Variants in OSGIN2 observed in about 807,000 individuals in gnomAD.
The protein encoded by OSGIN2 is oxidative stress induced growth inhibitor family member 2, also known as oxidative stress-induced growth inhibitor 2.
A neutral mutation model predicts 53.8 loss-of-function variants in OSGIN2; 19 were observed. That is an observed-to-expected ratio of 0.35 (90% CI 0.25 to 0.52). OSGIN2 has a LOEUF of 0.52. Among genes scored for constraint, OSGIN2 ranks in the 20% least tolerant of loss-of-function variants. The pLI is 0.95. For synonymous variants in OSGIN2, 236 were observed against 236.0 expected, an observed-to-expected ratio of 1.00 and a Z score of 0.00; for missense variants, 520 against 662.7, an observed-to-expected ratio of 0.78 and a Z score of 2.36.
chr8:89,925,648 ACTATAGTAACTTCATTTTT>A lies in OSGIN2; in HGVS notation c.*117_*135del. ...TGAGTTAACTGAAGGAGAGCCTCAAACTATAGTAACTTCATTTTTAAAAGTTACTAGAATTTGGTATCCT... is the reference window on the plus strand; with the variant it reads ...TGAGTTAACTGAAGGAGAGCCTCAAAAAAAGTTACTAGAATTTGGTATCCT... On this transcript the variant is annotated 3_prime_UTR_variant, in exon 6 of 6. Coordinates refer to ENST00000451899, the MANE Select transcript of OSGIN2 (RefSeq NM_001126111.3). The A allele has an allele frequency of 1.5e-6, 1 of 687,482 alleles. No individual in the cohort carries two copies. Among genetic ancestry groups the A allele is most frequent in the Non-Finnish European group, 2.4e-6 (1 of 419,884 alleles). The allele number at this position is 687,482 out of a possible 1,614,324, so 42.6% of individuals were successfully genotyped here. A position where few individuals can be genotyped will look rare whatever the true frequency, so the allele number is the denominator to read the frequency against.
At chr8:89,912,328 A>C (rs1449277388) in intron 2 of OSGIN2, among the ~76,000 whole-genome samples, 1 of 152,252 alleles carries the variant, frequency 6.6e-6, no homozygotes, top group Non-Finnish European at 1.5e-5. Flanking sequence ...GTTGAGATGT[A>C]TAATCACCTG....
At chr8:89,909,029 A>AT in intron 1 of OSGIN2, among the ~76,000 whole-genome samples, 2 of 118,056 alleles carry the variant, frequency 1.7e-5, no homozygotes, top group Non-Finnish European at 3.2e-5. Context: ...AAAAAAAAAA[A>AT]AAAAAAAAAT....
chr8:89,920,134 C>G (rs1809165708), intron 4 of OSGIN2, among the ~76,000 whole-genome samples: 1 of 152,116 alleles, frequency 6.6e-6, no homozygotes, highest in African/African-American at 2.4e-5. Context: ...TTCTTAACAG[C>G]TCCTTTTATG....
In OSGIN2 at chr8:89,909,614, T is replaced by C. The variant is rs750724120; in HGVS notation, c.92T>C (p.Val31Ala). 2 of 1,606,954 alleles carry C rather than the reference T, an allele frequency of 1.2e-6. No individual in the cohort carries two copies. The highest frequency in any genetic ancestry group is 1.7e-6 in the Non-Finnish European group (2 of 1,175,070). ...ETEGEIFNSL[V>A]QYFGDNLGRK... ...GAAGGAGAGATTTTTAATTCCTTAGTGCAATACTTTGGTGACAACTTGGGG... is the reference window on the plus strand; with the variant it reads ...GAAGGAGAGATTTTTAATTCCTTAGCGCAATACTTTGGTGACAACTTGGGG... The change falls in exon 2 of 6, where the codon GTG becomes GCG. Residue 31 changes from valine to alanine, a missense_variant. By Grantham distance (64) the Val-to-Ala change is moderately conservative. Coordinates refer to ENST00000451899, the MANE Select transcript of OSGIN2 (RefSeq NM_001126111.3).
Position 89,924,581 on chromosome 8 carries a change from G to T in OSGIN2, c.699G>T (p.Gln233His), listed in dbSNP as rs775116625. Reference protein sequence around the residue: ...YKHYVKVMGLQKNFRENTYIT... With the variant: ...YKHYVKVMGLHKNFRENTYIT... ...ATTATGTAAAAGTCATGGGTCTTCA[G>T]AAGAATTTCAGAGAGAATACTTACA... Residue 233 changes from glutamine (Q) to histidine (H), a missense_variant, in exon 6 of 6, where the codon CAG becomes CAT. Around this residue, in one of 3 missense-constraint regions of OSGIN2, gnomAD observed 78 missense variants for 59.1 expected, o/e 1.32. Transcript: ENST00000451899. 7 of 1,613,870 alleles carry T rather than the reference G, an allele frequency of 4.3e-6. No individual in the cohort carries two copies. The East Asian group carries it at 1.6e-4, about 36-fold the overall frequency.
chr8:89,902,335 C>T (rs973279869), upstream of OSGIN2, among the ~76,000 whole-genome samples: 4 of 152,164 alleles, frequency 2.6e-5, no homozygotes, highest in African/African-American at 4.8e-5. Context: ...TGACCGAGGT[C>T]TAGGTCTCGA....
chr8:89,919,110 T>G (rs964794419), intron 4 of OSGIN2, among the ~76,000 whole-genome samples: 2 of 152,226 alleles, frequency 1.3e-5, no homozygotes, highest in African/African-American at 4.8e-5. Context: ...TACTCCAATC[T>G]AGCCCTTATT....
At chr8:89,908,626 A>G (rs1037482516) in intron 1 of OSGIN2, among the ~76,000 whole-genome samples, 1 of 152,132 alleles carries the variant, frequency 6.6e-6, no homozygotes, top group Admixed American at 6.5e-5. Flanking sequence ...GACTGTATGA[A>G]GATAAAATTA....
Position 89,925,211 on chromosome 8 carries a change from A to G in OSGIN2, c.1329A>G (p.Gly443=), listed in dbSNP as rs1362368117. ...DMKCVLQSVS[G]LKKIFKLSAA... is the part of the protein sequence containing the mutation. The stretch of plus-strand genomic sequence containing the variant: ...AATGTGTTCTCCAAAGCGTTTCTGG[A>G]TTGAAGAAAATATTTAAGCTGTCTG... The change falls in exon 6 of 6, where the codon GGA becomes GGG. Residue 443 remains glycine (G), a synonymous_variant. Coordinates refer to ENST00000451899, the MANE Select transcript of OSGIN2 (RefSeq NM_001126111.3). 2 of 1,614,050 alleles carry G rather than the reference A, an allele frequency of 1.2e-6. No individual in the cohort carries two copies. Among genetic ancestry groups the G allele is most frequent in the African/African-American group, 1.3e-5 (1 of 75,038 alleles).
intron 5 of OSGIN2, among the ~76,000 whole-genome samples, chr8:89,921,707 C>T (rs913979843): frequency 1.2e-4 from 19 of 152,126 alleles, no homozygotes; most frequent in African/African-American, 3.9e-4. Context: ...GAGGGCCTGG[C>T]GCAGTGGCTC....
In OSGIN2 at chr8:89,925,647, A is replaced by G; in HGVS notation, c.*115A>G. 1 of 687,298 alleles carries G rather than the reference A, an allele frequency of 1.5e-6. No individual in the cohort carries two copies. The highest frequency in any genetic ancestry group is 2.4e-6 in the Non-Finnish European group (1 of 419,566). The allele number at this position is 687,298 out of a possible 1,614,324, so 42.6% of individuals were successfully genotyped here. On this transcript the variant is annotated 3_prime_UTR_variant, in exon 6 of 6. Coordinates refer to ENST00000451899, the MANE Select transcript of OSGIN2 (RefSeq NM_001126111.3). ...TTGAGTTAACTGAAGGAGAGCCTCA[A>G]ACTATAGTAACTTCATTTTTAAAAG... is the stretch of plus-strand genomic sequence containing the variant.
At chr8:89,921,035 C>G in intron 4 of OSGIN2, 45 bp from the exon 5 acceptor site, 1 of 1,158,230 alleles carries the variant, frequency 8.6e-7, no homozygotes, top group South Asian at 1.4e-5. Context: ...AACCATGTTA[C>G]TTCTTGTTTT....
chr8:89,902,577 G>C lies in OSGIN2; in HGVS notation c.-217G>C, dbSNP rs1445072878. The C allele has an allele frequency of 6.5e-6, 1 of 153,864 alleles. No individual in the cohort carries two copies. Among genetic ancestry groups the C allele is most frequent in the African/African-American group, 2.4e-5 (1 of 41,414 alleles). 9.5% of individuals were successfully genotyped at this position (153,864 alleles called of 1,614,324 possible). ...CGCCCCGAGATCACCCGCCTCCGGC[G>C]CCTGGCTCCCTGCAGGCGAGGAGCG... On this transcript the variant is annotated 5_prime_UTR_variant, in exon 1 of 6. Coordinates refer to ENST00000451899, the MANE Select transcript of OSGIN2 (RefSeq NM_001126111.3).
Position 89,925,052 on chromosome 8 carries a change from C to G in OSGIN2, c.1170C>G (p.Pro390=). Residue 390 remains proline (P), a synonymous_variant, in exon 6 of 6, where the codon CCC becomes CCG. Transcript: ENST00000451899. ...CAAGCTTAATTTTCAAACAGCTTCC[C>G]AAAAAGCTGTATCCTGAATATCATA... ...TDPSLIFKQL[P]KKLYPEYHKV... is the part of the protein sequence containing the mutation. 4 of 1,613,344 alleles carry G rather than the reference C, an allele frequency of 2.5e-6. No homozygotes were observed. Among genetic ancestry groups the G allele is most frequent in the Non-Finnish European group, 3.4e-6 (4 of 1,179,306 alleles).
intron 4 of OSGIN2, among the ~76,000 whole-genome samples, chr8:89,917,578 C>T (rs1809105673): frequency 6.6e-6 from 1 of 152,112 alleles, no homozygotes; most frequent in Non-Finnish European, 1.5e-5. Context: ...AAATATTCTC[C>T]ACTCTCAGTT....
intron 1 of OSGIN2, among the ~76,000 whole-genome samples, chr8:89,909,037 A>AAAAAAAAATAT (rs1554550040): frequency 7.1e-5 from 6 of 84,896 alleles, no homozygotes; most frequent in African/African-American, 4.3e-4. Flanking sequence ...AAAAAAAAAA[A>AAAAAAAAATAT]ATATATATAT....
chr8:89,920,295 T>TATAATA (rs150859631), intron 4 of OSGIN2, among the ~76,000 whole-genome samples: 1 of 151,870 alleles, frequency 6.6e-6, no homozygotes, highest in Non-Finnish European at 1.5e-5. Flanking sequence ...GAAAGTCAGT[T>TATAATA]ATAATAATAA....
intron 4 of OSGIN2, among the ~76,000 whole-genome samples, chr8:89,917,326 A>G (rs1396739733): frequency 2.0e-5 from 3 of 152,208 alleles, no homozygotes; most frequent in Non-Finnish European, 4.4e-5. Context: ...CTTATCACCC[A>G]GTTAATTCAC....
intron 4 of OSGIN2, among the ~76,000 whole-genome samples, chr8:89,920,237 A>G (rs1404971386): frequency 6.6e-6 from 1 of 152,182 alleles, no homozygotes; most frequent in East Asian, 1.9e-4. Flanking sequence ...ATTTGTATAT[A>G]GTCACAAATG....
Sources: allele counts gnomAD v4.1 joint callset (sites outside exome capture counted in the v4.1 genomes callset), GRCh38; gene constraint gnomAD v4.1.1; regional missense constraint gnomAD v4.1.1; transcripts MANE v1.5; gene names NCBI Gene and HGNC (gene_info 2026-07-23, HGNC 2026-07-21).